The following LTBP1 variants were observed in gnomAD, a reference collection of about 807,000 sequenced individuals.
LTBP1 encodes latent transforming growth factor beta binding protein 1.
In LTBP1, 129 loss-of-function variants were observed where a neutral mutation model predicts 207.6. That is an observed-to-expected ratio of 0.62 (90% CI 0.54 to 0.72). The LOEUF (loss-of-function observed/expected upper bound fraction) is 0.72, where lower values mean the gene tolerates loss of function less well. Among genes scored for constraint, LTBP1 ranks in the 30% least tolerant of loss-of-function variants. The pLI, the probability that LTBP1 is intolerant of heterozygous loss-of-function variation, is 0.00. For missense variants in LTBP1, 2,281 were observed against 2,217.2 expected (o/e 1.03, Z -0.58); for synonymous variants, 963 against 833.7 (o/e 1.16, Z -2.67).
chr2:33,380,734 A>G (rs1219296454), intron 31 of LTBP1, among the ~76,000 whole-genome samples: 1 of 152,108 alleles, frequency 6.6e-6, no homozygotes, highest in East Asian at 1.9e-4. Context: ...GTTTCTCTTG[A>G]CTTTTTAAAA....
chr2:33,133,048 T>C (rs2081911994), intron 4 of LTBP1, among the ~76,000 whole-genome samples: 1 of 152,132 alleles, frequency 6.6e-6, no homozygotes, highest in African/African-American at 2.4e-5. Context: ...TGCCCGTCAC[T>C]AGAGATTTTC....
intron 3 of LTBP1, among the ~76,000 whole-genome samples, chr2:33,097,751 C>G (rs982794226): frequency 2.6e-5 from 4 of 152,054 alleles, no homozygotes; most frequent in African/African-American, 7.2e-5. Flanking sequence ...CCTTGATTTT[C>G]TCACTTAAAA....
rs150068752 is a variant in LTBP1 at position 33,305,785 on chromosome 2, G to A, written c.3482-3649G>A. ...AGCAAAGGAGATTGAGGAAAAAGTG[G>A]CAAGTGAAGAAGGAGAAAACCCAGA... On this transcript the variant is annotated intron_variant, in intron 22 of 33. Transcript: ENST00000404816. 2.7e-3 allele frequency among the ~76,000 whole-genome samples: 406 copies of A among 152,302 alleles called. 4 individuals are homozygous for A. Among genetic ancestry groups the A allele is most frequent in the African/African-American group, 9.5e-3 (393 of 41,562 alleles).
intron 31 of LTBP1, among the ~76,000 whole-genome samples, chr2:33,372,391 A>G (rs1354862306): frequency 4.6e-5 from 7 of 152,230 alleles, no homozygotes; most frequent in Admixed American, 2.6e-4. Context: ...CAATGAGCAT[A>G]ATAAGAGGCA....
chr2:33,356,936 T>C (rs983376631), intron 26 of LTBP1, among the ~76,000 whole-genome samples: 7 of 152,212 alleles, frequency 4.6e-5, no homozygotes, highest in African/African-American at 1.4e-4. Context: ...GGGGTAACTA[T>C]TTACTCATGT....
intron 2 of LTBP1, among the ~76,000 whole-genome samples, chr2:32,962,101 C>T (rs976218632): frequency 6.6e-6 from 1 of 151,778 alleles, no homozygotes; most frequent in African/African-American, 2.4e-5. Context: ...TAAAATGTAC[C>T]CATTTTCAAT....
At chr2:33,257,592 A>G in intron 12 of LTBP1, 81 bp downstream of exon 12, 3 of 1,194,754 alleles carry the variant, frequency 2.5e-6, no homozygotes, top group Non-Finnish European at 2.4e-6. Context: ...AACCCTCTAG[A>G]ACAGAGTTTC....
chr2:33,121,159 C>CTTTTTTTTTTTTTTTTTTTTTTTTTTTTT (rs61065486), intron 4 of LTBP1, among the ~76,000 whole-genome samples: 2 of 87,536 alleles, frequency 2.3e-5, no homozygotes, highest in Non-Finnish European at 2.0e-5. Context: ...TTTGTAAAGT[C>CTTTTTTTTTTTTTTTTTTTTTTTTTTTTT]TTTTTTTTTT....
chr2:33,385,645 C>G (rs977172723), intron 31 of LTBP1, among the ~76,000 whole-genome samples: 2 of 152,174 alleles, frequency 1.3e-5, no homozygotes, highest in African/African-American at 2.4e-5. Flanking sequence ...GTGGTGCAGT[C>G]AGGACTTGAG....
rs371583769 is a variant in LTBP1, at chr2:32,947,807, G to A, written c.483G>A (p.Gln161=). Residue 161 remains glutamine (Q), a synonymous_variant, in exon 1 of 34, where the codon CAG becomes CAA. Transcript: ENST00000404816. The stretch of plus-strand genomic sequence containing the variant: ...CTAGGCTGCAGGTTCACCAGAAGCA[G>A]CAGCTGCAGGGGTAAGCCCACACCC... ...GGSRLQVHQK[Q]QLQGVNVCGG... 685 of 1,453,662 alleles carry A rather than the reference G, an allele frequency of 4.7e-4. 5 individuals carry two copies. In the African/African-American group the frequency reaches 9.2e-3, roughly 20 times the overall value. 90.0% of individuals were successfully genotyped at this position (1,453,662 alleles called of 1,614,324 possible).
At chr2:33,077,575 G>C (rs1206834734) in intron 3 of LTBP1, among the ~76,000 whole-genome samples, 2 of 152,126 alleles carry the variant, frequency 1.3e-5, no homozygotes. Context: ...TGAAAACTCT[G>C]TCACAAGACA....
chr2:33,235,870 A>G (rs2092021220), intron 9 of LTBP1, among the ~76,000 whole-genome samples: 1 of 152,130 alleles, frequency 6.6e-6, no homozygotes, highest in African/African-American at 2.4e-5. Flanking sequence ...ACATGGACAC[A>G]GGGAGGGGAA....
Position 33,262,753 on chromosome 2 carries a change from A to C in LTBP1, c.2450A>C (p.Lys817Thr), listed in dbSNP as rs538648068. 1 of 1,604,836 alleles carries C rather than the reference A, an allele frequency of 6.2e-7. No homozygotes were observed. The highest frequency in any genetic ancestry group is 1.3e-5 in the African/African-American group (1 of 74,604). ...EIPSLDQEKT[K>T]LEPGQPQLSP... ...CCTTCATTGGATCAAGAGAAAACCA[A>C]ACTTGAGCCTGGTCAACCCCAGCTG... is the stretch of plus-strand genomic sequence containing the variant. Residue 817 changes from lysine (K) to threonine (T), a missense_variant, in exon 14 of 34, where the codon AAA (lysine) becomes ACA (threonine). Physicochemically the swap from Lys to Thr is moderately conservative, Grantham distance 78 (BLOSUM62 -1). This residue lies in a region of LTBP1 where 1,671 missense variants were observed against 1,634.8 expected (regional missense o/e 1.02). Coordinates refer to ENST00000404816, the MANE Select transcript of LTBP1 (RefSeq NM_206943.4).
chr2:33,360,862 C>T (rs2094920057), intron 27 of LTBP1, 83 bp downstream of exon 27: 1 of 1,274,814 alleles, frequency 7.8e-7, no homozygotes, highest in African/African-American at 1.5e-5. Context: ...CACTCATTCC[C>T]ACAGCCAACT....
At chr2:33,244,860 T>TTATCTATCTATCTATCTATC (rs71409605) in intron 10 of LTBP1, among the ~76,000 whole-genome samples, 2 of 150,850 alleles carry the variant, frequency 1.3e-5, no homozygotes, top group Admixed American at 6.6e-5. Flanking sequence ...GTTTTTGTTT[T>TTATCTATCTATCTATCTATC]TATCTATCTA....
intron 2 of LTBP1, among the ~76,000 whole-genome samples, chr2:32,972,281 T>C (rs1049626158): frequency 1.3e-4 from 19 of 147,688 alleles, no homozygotes; most frequent in Admixed American, 1.0e-3. Context: ...GTGTTTTTTT[T>C]CCTTCTCGGT....
At chr2:32,977,896 A>G (rs1202135909) in intron 2 of LTBP1, among the ~76,000 whole-genome samples, 1 of 152,182 alleles carries the variant, frequency 6.6e-6, no homozygotes, top group East Asian at 1.9e-4. Context: ...AGTTTCTTGC[A>G]TCAATGTTTT....
At chr2:33,322,514 G>C (rs2094370494) in intron 24 of LTBP1, among the ~76,000 whole-genome samples, 2 of 152,178 alleles carry the variant, frequency 1.3e-5, no homozygotes, top group South Asian at 4.1e-4. Flanking sequence ...ACTATGAGTG[G>C]ACTGGAGATA....
intron 5 of LTBP1, 64 bp downstream of exon 5, chr2:33,135,024 A>G (rs2150590215): frequency 6.8e-7 from 1 of 1,476,408 alleles, no homozygotes; most frequent in Non-Finnish European, 9.1e-7. Context: ...TGTAGCATTT[A>G]GACACCCCCT....
Sources: allele counts gnomAD v4.1 joint callset (sites outside exome capture counted in the v4.1 genomes callset), GRCh38; gene constraint gnomAD v4.1.1; regional missense constraint gnomAD v4.1.1; transcripts MANE v1.5; gene names NCBI Gene and HGNC (gene_info 2026-07-23, HGNC 2026-07-21).